Variants in ARHGAP29 observed in about 807,000 individuals in gnomAD.
ARHGAP29 encodes Rho GTPase activating protein 29.
In ARHGAP29, 43 loss-of-function variants were observed where a neutral mutation model predicts 122.6. The observed-to-expected ratio is 0.35, with a 90% CI of 0.27 to 0.45. The LOEUF is 0.45. ARHGAP29 is among the 20% of genes least tolerant of loss of function. The pLI is 1.00. For missense variants in ARHGAP29, 1,303 were observed against 1,477.2 expected, an observed-to-expected ratio of 0.88 and a Z score of 1.93; for synonymous variants, 506 against 497.1, an observed-to-expected ratio of 1.02 and a Z score of -0.24.
chr1:94,230,519 A>C (rs1355943225), intron 2 of ARHGAP29, among the ~76,000 whole-genome samples: 1 of 151,842 alleles, frequency 6.6e-6, no homozygotes, highest in Middle Eastern at 3.2e-3. Context: ...AATTTAGTAC[A>C]AGCACAAGAT....
At chr1:94,225,935 C>T (rs1336794809) in intron 2 of ARHGAP29, among the ~76,000 whole-genome samples, 1 of 151,900 alleles carries the variant, frequency 6.6e-6, no homozygotes, top group East Asian at 1.9e-4. Flanking sequence ...CCGATCTAAG[C>T]CATTTATTTT....
upstream of ARHGAP29, among the ~76,000 whole-genome samples, chr1:94,242,314 C>G (rs1209870606): frequency 6.6e-6 from 1 of 152,050 alleles, no homozygotes; most frequent in Admixed American, 6.6e-5. Context: ...TTAGTGAAAA[C>G]TATACTCTAG....
intron 12 of ARHGAP29, among the ~76,000 whole-genome samples, chr1:94,201,478 T>C: frequency 6.7e-6 from 1 of 149,848 alleles, no homozygotes; most frequent in African/African-American, 2.4e-5. Context: ...CCTCCCTTCT[T>C]TCCTCCCTCC....
rs755321039 is a variant in ARHGAP29 at position 94,174,485 on chromosome 1, T to A, written c.3170A>T (p.Asn1057Ile). 6.2e-7 allele frequency: 1 copy of A among 1,614,232 alleles called. No individual in the cohort carries two copies. The highest frequency in any genetic ancestry group is 8.5e-7 in the Non-Finnish European group (1 of 1,180,048). The stretch of plus-strand genomic sequence containing the variant: ...AACAGTAGTAGCAGCGTCTTTTCTA[T>A]TAACTCCTTCAAAGGCAGGATTCTT... ...FCKNPAFEGVNRKDAATTVCS... is the reference protein window; with the variant it reads ...FCKNPAFEGVIRKDAATTVCS... Residue 1057 changes from asparagine to isoleucine, a missense_variant, in exon 23 of 23, where the codon AAT becomes ATT. Around this residue, in one of 3 missense-constraint regions of ARHGAP29, gnomAD observed 620 missense variants for 651.2 expected, o/e 0.95. Transcript: ENST00000260526.
chr1:94,175,309 T>C (rs981511208), intron 22 of ARHGAP29, among the ~76,000 whole-genome samples: 2 of 152,144 alleles, frequency 1.3e-5, no homozygotes, highest in Non-Finnish European at 2.9e-5. Flanking sequence ...AGTTAAAAAG[T>C]GCCATTTTCC....
At chr1:94,314,215 A>G in the ARHGAP29 span, among the ~76,000 whole-genome samples, 1 of 152,214 alleles carries the variant, frequency 6.6e-6, no homozygotes, top group Admixed American at 6.5e-5. Context: ...TAACACTTAC[A>G]ACAGTATCAT....
intron 1 of ARHGAP29, among the ~76,000 whole-genome samples, chr1:94,247,165 T>C (rs1653836988): frequency 6.6e-6 from 1 of 151,852 alleles, no homozygotes; most frequent in Non-Finnish European, 1.5e-5. Context: ...CCAAAAAGCA[T>C]CCCCAGTAAG....
chr1:94,291,501 T>C, the ARHGAP29 span, among the ~76,000 whole-genome samples: 1 of 152,230 alleles, frequency 6.6e-6, no homozygotes, highest in African/African-American at 2.4e-5. Context: ...ATTATGATGC[T>C]AGCTGGTTAT....
At chr1:94,252,288 T>C (rs1373995431) in intron 1 of ARHGAP29, among the ~76,000 whole-genome samples, 1 of 152,242 alleles carries the variant, frequency 6.6e-6, no homozygotes, top group Non-Finnish European at 1.5e-5. Flanking sequence ...TTGGTTCCCT[T>C]TCTTGGGTTT....
rs760656559 is a variant in ARHGAP29 at position 94,174,701 on chromosome 1, T to G, written c.2954A>C (p.Lys985Thr). 1 of 1,614,084 alleles carries G rather than the reference T, an allele frequency of 6.2e-7. No individual in the cohort carries two copies. Among genetic ancestry groups the G allele is most frequent in the Non-Finnish European group, 8.5e-7 (1 of 1,180,026 alleles). ...CTTAGGGGTTTTACCATCTTCTATCTTTTGGGATGCTGATTCAGCCTCTTG... is the reference window on the plus strand; with the variant it reads ...CTTAGGGGTTTTACCATCTTCTATCGTTTGGGATGCTGATTCAGCCTCTTG... ...LDQEAESASQ[K>T]IEDGKTPKPL... Residue 985 changes from lysine (K) to threonine (T), a missense_variant, in exon 23 of 23, where the codon AAG becomes ACG. Lys to Thr is a moderately conservative substitution (Grantham distance 78, BLOSUM62 -1). Around this residue, in one of 3 missense-constraint regions of ARHGAP29, gnomAD observed 620 missense variants for 651.2 expected, o/e 0.95. Transcript: ENST00000260526.
At chr1:94,229,711 G>T (rs1302198655) in intron 2 of ARHGAP29, among the ~76,000 whole-genome samples, 1 of 151,526 alleles carries the variant, frequency 6.6e-6, no homozygotes, top group East Asian at 1.9e-4. Context: ...ACCTCAGGGG[G>T]TAGTCTCTTT....
At chr1:94,263,424 A>G (rs1654638641) in intron 1 of ARHGAP29, among the ~76,000 whole-genome samples, 1 of 151,778 alleles carries the variant, frequency 6.6e-6, no homozygotes, top group Admixed American at 6.6e-5. Context: ...GGTCTTGTGC[A>G]TCTGGTTTTC....
rs1206435521 is a variant in ARHGAP29, at chr1:94,196,312, A to AGT, written c.1281+5406_1281+5407dup. ...AGTCTCGCTCTGTCGCCCAGGCTGG[A>AGT]GTGCAGTGGCGCGATCTCGGCTCAC... On this transcript the variant is annotated intron_variant, in intron 12 of 22. Transcript: ENST00000260526. 2.6e-4 allele frequency among the ~76,000 whole-genome samples: 30 copies of AGT among 115,230 alleles called. No homozygotes were observed. In the Admixed American group the frequency reaches 3.9e-3, roughly 15 times the overall value. 75.6% of individuals were successfully genotyped at this position (115,230 alleles called of 152,430 possible). A position where few individuals can be genotyped will look rare whatever the true frequency, so the allele number is the denominator to read the frequency against.
intron 12 of ARHGAP29, among the ~76,000 whole-genome samples, chr1:94,200,811 T>A (rs1463870335): frequency 4.6e-5 from 7 of 152,330 alleles, no homozygotes; most frequent in East Asian, 3.9e-4. Context: ...TTCACTTGTA[T>A]GACAATCTGG....
the ARHGAP29 span, among the ~76,000 whole-genome samples, chr1:94,294,359 T>G: frequency 6.6e-6 from 1 of 152,152 alleles, no homozygotes. Context: ...TTGCCCAGGC[T>G]GGAGTGCCAT....
In ARHGAP29 at chr1:94,202,764, T is replaced by C; in HGVS notation, c.955-32A>G. On this transcript the variant is annotated intron_variant, in intron 10 of 22. Coordinates refer to ENST00000260526, the MANE Select transcript of ARHGAP29 (RefSeq NM_004815.4). ...CGAAAAGAGTATTAAACACAGAATA[T>C]GAAAGAAATCCTACTGAACAAGTGT... 4 of 1,597,648 alleles carry C rather than the reference T, an allele frequency of 2.5e-6. 1 individual carries two copies. The South Asian group carries it at 3.4e-5, about 14-fold the overall frequency.
chr1:94,270,681 A>G (rs1481583343), intron 1 of ARHGAP29, among the ~76,000 whole-genome samples: 1 of 152,162 alleles, frequency 6.6e-6, no homozygotes, highest in Non-Finnish European at 1.5e-5. Flanking sequence ...GCTTAAACAG[A>G]AGGAAAATGC....
intron 1 of ARHGAP29, among the ~76,000 whole-genome samples, chr1:94,260,221 T>G (rs971980372): frequency 6.6e-6 from 1 of 152,218 alleles, no homozygotes; most frequent in African/African-American, 2.4e-5. Flanking sequence ...ATGTTTGCCC[T>G]GTCTATCTGA....
intron 1 of ARHGAP29, among the ~76,000 whole-genome samples, chr1:94,251,558 G>A (rs955399971): frequency 5.3e-5 from 8 of 152,298 alleles, no homozygotes; most frequent in Middle Eastern, 3.4e-3. Flanking sequence ...ACTTCTCTTA[G>A]AAAAAGATAT....
Sources: allele counts gnomAD v4.1 joint callset (sites outside exome capture counted in the v4.1 genomes callset), GRCh38; gene constraint gnomAD v4.1.1; regional missense constraint gnomAD v4.1.1; transcripts MANE v1.5; gene names NCBI Gene and HGNC (gene_info 2026-07-23, HGNC 2026-07-21).